The following FHIT variants were observed in gnomAD, a reference collection of about 807,000 sequenced individuals.
FHIT encodes the protein fragile histidine triad diadenosine triphosphatase.
FHIT carries 19 observed loss-of-function variants against 17.9 expected under a neutral mutation model. That is an observed-to-expected ratio of 1.06 (90% CI 0.74 to 1.56). The LOEUF is 1.56. FHIT is among the 40% of genes most tolerant of loss of function. The pLI is 0.00. For missense variants in FHIT, 248 were observed against 189.2 expected (o/e 1.31, Z -1.82); for synonymous variants, 81 against 69.7 (o/e 1.16, Z -0.81).
intron 5 of FHIT, among the ~76,000 whole-genome samples, chr3:60,321,189 C>G (rs547695641): frequency 2.6e-5 from 4 of 152,184 alleles, no homozygotes; most frequent in Non-Finnish European, 5.9e-5. Flanking sequence ...TCATTACATT[C>G]TGACAGCAGG....
rs549289652 is a variant in FHIT, at chr3:60,729,408, AGT to A, written c.-18+92509_-18+92510del. Among the ~76,000 whole-genome samples, 14 of 152,314 alleles carry A rather than the reference AGT, an allele frequency of 9.2e-5. No homozygotes were observed. In the South Asian group the frequency reaches 2.9e-3, roughly 32 times the overall value. On this transcript the variant is annotated intron_variant, in intron 4 of 9. Transcript: ENST00000492590. ...TATGCGGCTTGTGTCATCAATTTTAAGTGGAGGTGACTGAGTCCTAAGGTACA... is the reference window on the plus strand; with the variant it reads ...TATGCGGCTTGTGTCATCAATTTTAAGGAGGTGACTGAGTCCTAAGGTACA...
At chr3:60,333,474 C>T (rs1013656663) in intron 5 of FHIT, among the ~76,000 whole-genome samples, 5 of 3,588 alleles carry the variant, frequency 1.4e-3, no homozygotes, top group Non-Finnish European at 4.2e-3. Flanking sequence ...CATATTTGAA[C>T]TGTTTTTTTT....
chr3:60,241,821 A>G (rs1705143220), intron 5 of FHIT, among the ~76,000 whole-genome samples: 1 of 152,142 alleles, frequency 6.6e-6, no homozygotes. Flanking sequence ...GACTGCTATA[A>G]AAGAGGAAGA....
At chr3:60,374,303 T>C (rs1401396612) in intron 5 of FHIT, among the ~76,000 whole-genome samples, 2 of 152,144 alleles carry the variant, frequency 1.3e-5, no homozygotes, top group Non-Finnish European at 2.9e-5. Flanking sequence ...AGTTACTTTT[T>C]GCAACCTAAA....
intron 5 of FHIT, among the ~76,000 whole-genome samples, chr3:60,022,520 T>A (rs558240053): frequency 2.6e-5 from 4 of 152,286 alleles, no homozygotes; most frequent in African/African-American, 9.6e-5. Flanking sequence ...CAGCAATGCT[T>A]TGCAATGGTA....
intron 4 of FHIT, among the ~76,000 whole-genome samples, chr3:60,599,794 T>A (rs535259349): frequency 2.6e-4 from 40 of 152,166 alleles, no homozygotes; most frequent in Non-Finnish European, 5.4e-4. Flanking sequence ...AGTATAATAA[T>A]GAACAGCTAT....
chr3:60,748,989 A>G (rs1189026272), intron 4 of FHIT, among the ~76,000 whole-genome samples: 1 of 152,228 alleles, frequency 6.6e-6, no homozygotes, highest in Non-Finnish European at 1.5e-5. Flanking sequence ...TGTTAATTGA[A>G]CCTCAGATAT....
chr3:60,455,347 C>T (rs1181768888), intron 5 of FHIT, among the ~76,000 whole-genome samples: 2 of 152,076 alleles, frequency 1.3e-5, no homozygotes, highest in African/African-American at 2.4e-5. Context: ...TCTTTTCCCT[C>T]CATCATTGAG....
intron 5 of FHIT, among the ~76,000 whole-genome samples, chr3:60,201,541 C>A (rs1402864685): frequency 1.3e-5 from 2 of 151,960 alleles, no homozygotes; most frequent in Non-Finnish European, 2.9e-5. Context: ...ACCCTACCCC[C>A]CAAAAAACCC....
At chr3:60,986,794 AC>A in intron 3 of FHIT, among the ~76,000 whole-genome samples, 1 of 151,922 alleles carries the variant, frequency 6.6e-6, no homozygotes, top group East Asian at 1.9e-4. Context: ...TTATTCCCCC[AC>A]TGATATGTGC....
chr3:59,880,984 A>G lies in FHIT; in HGVS notation c.348+41362T>C, dbSNP rs369372424. ...TGAGGGCACTTGGAATAGCAGTGCT[A>G]TTGTTCCTTTGACATCTCAACAGCA... On this transcript the variant is annotated intron_variant, in intron 8 of 9. Coordinates refer to ENST00000492590, the MANE Select transcript of FHIT (RefSeq NM_002012.4). Among the ~76,000 whole-genome samples the G allele has an allele frequency of 4.4e-4, 67 of 152,304 alleles. 5 individuals carry two copies. The highest frequency in any genetic ancestry group is 3.5e-3 in the East Asian group (18 of 5,188).
intron 5 of FHIT, among the ~76,000 whole-genome samples, chr3:60,125,818 G>A (rs1415565691): frequency 6.6e-6 from 1 of 151,992 alleles, no homozygotes; most frequent in Admixed American, 6.5e-5. Context: ...AACACACAGT[G>A]AGTACACTAA....
intron 5 of FHIT, among the ~76,000 whole-genome samples, chr3:60,329,162 G>C (rs879294338): frequency 2.0e-5 from 3 of 152,122 alleles, no homozygotes; most frequent in Non-Finnish European, 4.4e-5. Flanking sequence ...TGTTCAATGA[G>C]CAATATTGAT....
intron 7 of FHIT, among the ~76,000 whole-genome samples, chr3:59,947,130 T>A (rs1235860645): frequency 6.6e-6 from 1 of 152,210 alleles, no homozygotes; most frequent in African/African-American, 2.4e-5. Flanking sequence ...TGGCTGTGAA[T>A]CTGTCTGGTC....
intron 2 of FHIT, among the ~76,000 whole-genome samples, chr3:61,049,090 C>T (rs967019194): frequency 1.3e-5 from 2 of 151,752 alleles, no homozygotes; most frequent in African/African-American, 2.4e-5. Context: ...CAAACCTGCA[C>T]ATTGGGCACA....
intron 8 of FHIT, among the ~76,000 whole-genome samples, chr3:59,897,454 C>A (rs977336181): frequency 1.3e-5 from 2 of 152,166 alleles, no homozygotes; most frequent in African/African-American, 2.4e-5. Context: ...CTATTACAAT[C>A]ATTTTATGGT....
At chr3:60,389,042 G>T (rs75180415) in intron 5 of FHIT, among the ~76,000 whole-genome samples, 2,120 of 152,264 alleles carry the variant, frequency 0.014, 28 homozygotes, top group Non-Finnish European at 0.022. Context: ...AATTACCCTA[G>T]TTGCTAATGT....
intron 3 of FHIT, among the ~76,000 whole-genome samples, chr3:60,974,183 C>G (rs1710141606): frequency 6.6e-6 from 1 of 152,188 alleles, no homozygotes; most frequent in African/African-American, 2.4e-5. Context: ...TAGAAAACCT[C>G]TGCAGTAACA....
intron 4 of FHIT, among the ~76,000 whole-genome samples, chr3:60,751,364 TA>T (rs1184261714): frequency 2.4e-4 from 36 of 152,300 alleles, no homozygotes; most frequent in African/African-American, 7.9e-4. Context: ...TGTTCTCAAA[TA>T]TTTTTTTTAC....
Sources: allele counts gnomAD v4.1 joint callset (sites outside exome capture counted in the v4.1 genomes callset), GRCh38; gene constraint gnomAD v4.1.1; transcripts MANE v1.5; gene names NCBI Gene and HGNC (gene_info 2026-07-23, HGNC 2026-07-21).